Variants in LAMA2 observed in about 807,000 individuals in gnomAD.
LAMA2 encodes the protein laminin subunit alpha-2.
LAMA2 carries 269 observed loss-of-function variants against 364.8 expected under a neutral mutation model. The observed-to-expected ratio is 0.74, with a 90% confidence interval of 0.67 to 0.82. LAMA2 has a LOEUF of 0.82. Among genes scored for constraint, LAMA2 ranks in the 40% least tolerant of loss-of-function variants. The pLI is 0.00. For missense variants in LAMA2, 3,807 were observed against 3,873.2 expected (o/e 0.98, Z 0.45); for synonymous variants, 1,379 against 1,370.6 (o/e 1.01, Z -0.14).
chr6:129,145,170 C>T (rs1478796), intron 5 of LAMA2, among the ~76,000 whole-genome samples: 5,820 of 151,992 alleles, frequency 0.038, 379 homozygotes, highest in African/African-American at 0.13. Context: ...GTAAGACCAC[C>T]GTCATCGGTT....
At chr6:129,262,899 T>A (rs1787231399) in intron 15 of LAMA2, among the ~76,000 whole-genome samples, 1 of 152,148 alleles carries the variant, frequency 6.6e-6, no homozygotes, top group Non-Finnish European at 1.5e-5. Flanking sequence ...ATTGTAGACA[T>A]TCTCTTTTAC....
rs558962730 is a variant in LAMA2 at position 129,336,119 on chromosome 6, A to G, written c.4312-6224A>G. Among the ~76,000 whole-genome samples, 4 of 152,318 alleles carry G rather than the reference A, an allele frequency of 2.6e-5. No individual in the cohort carries two copies. In the South Asian group the frequency reaches 6.2e-4, roughly 24 times the overall value. On this transcript the variant is annotated intron_variant, in intron 29 of 64. Coordinates refer to ENST00000421865, the MANE Select transcript of LAMA2 (RefSeq NM_000426.4). ...CTTAAGTATTGCTTACTTAACAAAT[A>G]TCTGTCAACTGTGGAAAAAATAAAC... is the stretch of plus-strand genomic sequence containing the variant.
chr6:129,274,783 C>A (rs1470426362), intron 17 of LAMA2, among the ~76,000 whole-genome samples: 3 of 151,866 alleles, frequency 2.0e-5, no homozygotes, highest in Non-Finnish European at 2.9e-5. Flanking sequence ...TGGAGAGAAG[C>A]AAATAACAAT....
chr6:129,095,754 CAAAAAA>C (rs57713069), intron 3 of LAMA2, among the ~76,000 whole-genome samples: 12 of 94,000 alleles, frequency 1.3e-4, no homozygotes, highest in South Asian at 3.2e-4. Context: ...CTACTAAATA[CAAAAAA>C]AAAAAAAAAA....
At chr6:129,378,799 C>T (rs778863477) in intron 34 of LAMA2, among the ~76,000 whole-genome samples, 4 of 152,180 alleles carry the variant, frequency 2.6e-5, no homozygotes, top group Non-Finnish European at 5.9e-5. Flanking sequence ...CCTCCTCATA[C>T]CTTCCTTTTC....
At chr6:129,247,521 C>T (rs922110527) in intron 12 of LAMA2, among the ~76,000 whole-genome samples, 9 of 152,118 alleles carry the variant, frequency 5.9e-5, no homozygotes, top group Admixed American at 1.3e-4. Context: ...TGATCATAAA[C>T]GCATACCTTT....
chr6:129,346,855 T>C (rs770975347), intron 30 of LAMA2, among the ~76,000 whole-genome samples: 4 of 152,108 alleles, frequency 2.6e-5, no homozygotes, highest in African/African-American at 4.8e-5. Flanking sequence ...GAAGGTATGA[T>C]TTTAGATGAG....
At chr6:129,371,608 T>TA (rs1491165651) in intron 34 of LAMA2, among the ~76,000 whole-genome samples, 2 of 47,024 alleles carry the variant, frequency 4.3e-5, no homozygotes, top group Non-Finnish European at 6.1e-5. Flanking sequence ...AAAGTATTTC[T>TA]TTTTTTTTTT....
At chr6:129,335,442 T>G (rs1775904635) in intron 29 of LAMA2, among the ~76,000 whole-genome samples, 4 of 151,938 alleles carry the variant, frequency 2.6e-5, no homozygotes, top group Admixed American at 2.0e-4. Context: ...CACCCTGTAG[T>G]CAGATTATTT....
chr6:129,325,733 TGG>T (rs1775239803), intron 28 of LAMA2, among the ~76,000 whole-genome samples: 2 of 152,184 alleles, frequency 1.3e-5, no homozygotes, highest in African/African-American at 4.8e-5. Context: ...ATGAGGAAAC[TGG>T]GTCTCAAAGT....
rs116613994 is a variant in LAMA2 at position 129,185,031 on chromosome 6, A to G, written c.1468-5174A>G. Among the ~76,000 whole-genome samples, 802 of 152,030 alleles carry G rather than the reference A, an allele frequency of 5.3e-3. 6 individuals are homozygous for G. Among genetic ancestry groups the G allele is most frequent in the African/African-American group, 0.018 (759 of 41,522 alleles). On this transcript the variant is annotated intron_variant, in intron 10 of 64. Coordinates refer to ENST00000421865, the MANE Select transcript of LAMA2 (RefSeq NM_000426.4). ...TTTTAATACTAGGATGCATTAGTCTAAAGGTCATAACAGAAGAAAACCTGT... is the reference window on the plus strand; with the variant it reads ...TTTTAATACTAGGATGCATTAGTCTGAAGGTCATAACAGAAGAAAACCTGT...
intron 1 of LAMA2, among the ~76,000 whole-genome samples, chr6:128,899,041 A>G (rs1035566746): frequency 1.3e-5 from 2 of 152,130 alleles, no homozygotes; most frequent in Non-Finnish European, 2.9e-5. Context: ...TCCCTGTTGT[A>G]ATTTCTTTGA....
chr6:129,135,067 A>T (rs1423919466), intron 4 of LAMA2, among the ~76,000 whole-genome samples: 2 of 152,106 alleles, frequency 1.3e-5, no homozygotes, highest in Non-Finnish European at 2.9e-5. Flanking sequence ...TAAAAAGTCT[A>T]CCCCAGGAAG....
chr6:129,025,744 A>C (rs532676479), intron 1 of LAMA2, among the ~76,000 whole-genome samples: 1 of 152,328 alleles, frequency 6.6e-6, no homozygotes, highest in East Asian at 1.9e-4. Flanking sequence ...GGGTGGATGC[A>C]GGGCATGTGG....
intron 33 of LAMA2, 111 bp from the exon 34 acceptor site, chr6:129,369,781 C>A (rs948868575): frequency 1.1e-6 from 1 of 880,144 alleles, no homozygotes; most frequent in Non-Finnish European, 1.9e-6. Context: ...CTTATCTTTT[C>A]TTTGAAGGTG....
rs942165064 is a variant in LAMA2, at chr6:129,462,220, T to C, written c.6992+1896T>C. Among the ~76,000 whole-genome samples, 87 of 151,996 alleles carry C rather than the reference T, an allele frequency of 5.7e-4. 2 individuals are homozygous for C. Among genetic ancestry groups the C allele is most frequent in the Admixed American group, 1.1e-3 (17 of 15,244 alleles). Reference sequence around the variant, plus strand: ...ATTCGGGTAAGATGCAGTGGCCACATAGGTTCATACACACTTCTTCCCAGC... The same window carrying C: ...ATTCGGGTAAGATGCAGTGGCCACACAGGTTCATACACACTTCTTCCCAGC... On this transcript the variant is annotated intron_variant, in intron 49 of 64. Transcript: ENST00000421865.
intron 20 of LAMA2, among the ~76,000 whole-genome samples, chr6:129,294,154 G>A (rs765330204): frequency 4.1e-4 from 62 of 152,170 alleles, no homozygotes; most frequent in Non-Finnish European, 8.4e-4. Flanking sequence ...GCCTTGTTTG[G>A]TGCATTTTGT....
intron 6 of LAMA2, among the ~76,000 whole-genome samples, chr6:129,148,494 G>A (rs1778610177): frequency 6.6e-6 from 1 of 152,162 alleles, no homozygotes; most frequent in African/African-American, 2.4e-5. Context: ...ATTCCAGGTG[G>A]TAAATTGAGA....
intron 10 of LAMA2, among the ~76,000 whole-genome samples, chr6:129,189,971 C>T (rs1053287830): frequency 6.6e-6 from 1 of 152,156 alleles, no homozygotes; most frequent in Non-Finnish European, 1.5e-5. Flanking sequence ...AACATAGTCA[C>T]TTTTACGAGA....
Sources: allele counts gnomAD v4.1 joint callset (sites outside exome capture counted in the v4.1 genomes callset), GRCh38; gene constraint gnomAD v4.1.1; transcripts MANE v1.5; gene names NCBI Gene and HGNC (gene_info 2026-07-23, HGNC 2026-07-21).